The following SLC13A3 variants were observed in gnomAD, a reference collection of about 807,000 sequenced individuals.
SLC13A3 encodes the protein Na(+)/dicarboxylate cotransporter 3.
Under a neutral mutation model 59.0 loss-of-function variants are expected in SLC13A3, and 40 were observed. The observed-to-expected ratio is 0.68, with a 90% confidence interval of 0.53 to 0.88. The LOEUF is 0.88. SLC13A3 is among the 40% of genes least tolerant of loss of function. The pLI is 0.00. For synonymous variants in SLC13A3, 317 were observed against 330.3 expected (o/e 0.96, Z 0.44); for missense variants, 699 against 783.2 (o/e 0.89, Z 1.28).
At position 46,597,719 on chromosome 20, in the gene SLC13A3, A is replaced by G. The variant is rs111863183; in HGVS notation, c.609-1377T>C. Among the ~76,000 whole-genome samples, 197 of 152,328 alleles carry G rather than the reference A, an allele frequency of 1.3e-3. 2 individuals carry two copies. The highest frequency in any genetic ancestry group is 5.4e-3 in the East Asian group (28 of 5,188). On this transcript the variant is annotated intron_variant, in intron 4 of 12. Coordinates refer to ENST00000279027, the MANE Select transcript of SLC13A3 (RefSeq NM_022829.6). ...CCCAAAGTACTGGGATTACAGGCATAAGCCACCGCGGTAAAAATGCATCTA... is the reference window on the plus strand; with the variant it reads ...CCCAAAGTACTGGGATTACAGGCATGAGCCACCGCGGTAAAAATGCATCTA...
chr20:46,672,761 G>A (rs1010354637), upstream of SLC13A3, among the ~76,000 whole-genome samples: 3 of 152,106 alleles, frequency 2.0e-5, no homozygotes, highest in Non-Finnish European at 4.4e-5. Context: ...ACTGCCCTGA[G>A]GCTGTCATGC....
At position 46,561,359 on chromosome 20, in the gene SLC13A3, C is replaced by T. The variant is rs549266388; in HGVS notation, c.1633-1161G>A. ...CTGAAGCTGTGTCACAGGCGTATGT[C>T]CTTAACTTAGGCAAAATAAACTTCC... is the stretch of plus-strand genomic sequence containing the variant. On this transcript the variant is annotated intron_variant, in intron 12 of 12. Coordinates refer to ENST00000279027, the MANE Select transcript of SLC13A3 (RefSeq NM_022829.6). Among the ~76,000 whole-genome samples the T allele has an allele frequency of 1.3e-4, 20 of 152,280 alleles. No homozygotes were observed. The East Asian group carries it at 3.9e-3, about 30-fold the overall frequency.
At chr20:46,600,614 A>C (rs1568930372) in intron 3 of SLC13A3, 1 of 466,360 alleles carries the variant, frequency 2.1e-6, no homozygotes, top group Non-Finnish European at 4.5e-6. Context: ...AAAGTTGTGA[A>C]AGGCCAGCTA....
At chr20:46,676,224 A>G (rs1043504211) in intron 1 of SLC13A3, 2 of 152,006 alleles carry the variant, frequency 1.3e-5, no homozygotes, top group Non-Finnish European at 2.9e-5. Flanking sequence ...TTTTTATTGA[A>G]GTACCACATA....
Position 46,610,435 on chromosome 20 carries a change from C to A in SLC13A3, c.541+11G>T. 5 of 1,606,362 alleles carry A rather than the reference C, an allele frequency of 3.1e-6. No individual in the cohort carries two copies. Among genetic ancestry groups the A allele is most frequent in the Non-Finnish European group, 3.4e-6 (4 of 1,176,548 alleles). On this transcript the variant is annotated intron_variant, in intron 3 of 12. Transcript: ENST00000279027. ...GGTGGATTTGGCCCCAATCCCTTAGCACAGCCTCACCTGTGTTCTCTTCAC... is the reference window on the plus strand; with the variant it reads ...GGTGGATTTGGCCCCAATCCCTTAGAACAGCCTCACCTGTGTTCTCTTCAC...
chr20:46,650,408 G>T, intron 1 of SLC13A3, among the ~76,000 whole-genome samples: 1 of 152,036 alleles, frequency 6.6e-6, no homozygotes, highest in East Asian at 1.9e-4. Flanking sequence ...TCTGAGACGC[G>T]TTGAAATGAT....
Position 46,566,231 on chromosome 20 carries a change from G to T in SLC13A3, c.1492C>A (p.Leu498Met). 5.6e-6 allele frequency: 9 copies of T among 1,613,286 alleles called. No homozygotes were observed. Among genetic ancestry groups the T allele is most frequent in the Non-Finnish European group, 7.6e-6 (9 of 1,179,364 alleles). Residue 498 changes from leucine (L) to methionine (M), a missense_variant and splice_region_variant, in exon 11 of 13, where the codon CTG (leucine) becomes ATG (methionine). Physicochemically the swap from Leu to Met is conservative, Grantham distance 15. Coordinates refer to ENST00000279027, the MANE Select transcript of SLC13A3 (RefSeq NM_022829.6). The part of the protein sequence containing the change: ...IIIFLPVLAE[L>M]AIRLRVHPLY... ...CTCTTCCCCAGAAGGACCCTCACCAGCTCTGCCAGGACCGGCAGGAAGATG... is the reference window on the plus strand; with the variant it reads ...CTCTTCCCCAGAAGGACCCTCACCATCTCTGCCAGGACCGGCAGGAAGATG...
At chr20:46,601,623 T>C (rs2062381207) in intron 3 of SLC13A3, among the ~76,000 whole-genome samples, 2 of 152,168 alleles carry the variant, frequency 1.3e-5, no homozygotes, top group Non-Finnish European at 2.9e-5. Context: ...ATGCATGCCA[T>C]GCAAAAGAAC....
At chr20:46,600,071 T>A (rs375754944) in intron 3 of SLC13A3, 34 bp from the exon 4 acceptor site, 1 of 1,523,582 alleles carries the variant, frequency 6.6e-7, no homozygotes, top group Non-Finnish European at 8.9e-7. Context: ...TTTAATGTAA[T>A]GTAGCGAATG....
At chr20:46,583,146 G>C in intron 9 of SLC13A3, 1 of 861,440 alleles carries the variant, frequency 1.2e-6, no homozygotes, top group Non-Finnish European at 1.4e-6. Context: ...GCAAAATTGA[G>C]GCTATTGTGT....
At chr20:46,672,659 G>A (rs73908954), upstream of SLC13A3, among the ~76,000 whole-genome samples, 8,218 of 152,220 alleles carry the variant, frequency 0.054, 769 homozygotes, top group African/African-American at 0.19. Context: ...ACAGCTTACC[G>A]TGGAAGTGAC....
At chr20:46,613,772 G>A in intron 1 of SLC13A3, 47 bp from the exon 2 acceptor site, 1 of 1,520,190 alleles carries the variant, frequency 6.6e-7, no homozygotes, top group Non-Finnish European at 8.9e-7. Context: ...GCTCGGGGCA[G>A]AAGGGGAAGG....
At chr20:46,680,617 G>A (rs2063149564) in intron 1 of SLC13A3, among the ~76,000 whole-genome samples, 1 of 152,232 alleles carries the variant, frequency 6.6e-6, no homozygotes, top group Non-Finnish European at 1.5e-5. Flanking sequence ...ACTGCATAAT[G>A]TGAGACTGCA....
chr20:46,640,213 C>T (rs2062833966), intron 1 of SLC13A3, among the ~76,000 whole-genome samples: 1 of 152,180 alleles, frequency 6.6e-6, no homozygotes, highest in African/African-American at 2.4e-5. Flanking sequence ...TCACTTCCTA[C>T]AGCCTCCCAG....
chr20:46,596,389 G>C, intron 4 of SLC13A3, 47 bp from the exon 5 acceptor site: 1 of 1,559,934 alleles, frequency 6.4e-7, no homozygotes, highest in Non-Finnish European at 8.8e-7. Flanking sequence ...ATGGAGAACA[G>C]GCCACAGACT....
chr20:46,558,602 A>G lies in SLC13A3; in HGVS notation c.*1420T>C, dbSNP rs8149. On this transcript the variant is annotated 3_prime_UTR_variant, in exon 13 of 13. Coordinates refer to ENST00000279027, the MANE Select transcript of SLC13A3 (RefSeq NM_022829.6). ...AACTGTGATTCAACACTGAGTGCTC[A>G]CTTGGAAAGGAGGTGGAGCTCAACT... 115,588 of 152,126 alleles carry G rather than the reference A, an allele frequency of 0.76. 44,368 individuals are homozygous for G. The highest frequency in any genetic ancestry group is 0.95 in the East Asian group (4,887 of 5,154). 9.4% of individuals were successfully genotyped at this position (152,126 alleles called of 1,614,324 possible). A position where few individuals can be genotyped will look rare whatever the true frequency, so the allele number is the denominator to read the frequency against.
intron 2 of SLC13A3, 136 bp from the exon 3 acceptor site, chr20:46,610,745 A>C: frequency 4.4e-6 from 3 of 686,192 alleles, no homozygotes; most frequent in East Asian, 2.8e-5. Flanking sequence ...CAGAAACCAA[A>C]TCCACTCACC....
At chr20:46,630,539 A>G (rs1300239220) in intron 1 of SLC13A3, among the ~76,000 whole-genome samples, 1 of 152,202 alleles carries the variant, frequency 6.6e-6, no homozygotes. Flanking sequence ...GCTCTTCTTC[A>G]TATGCTGGCG....
intron 1 of SLC13A3, among the ~76,000 whole-genome samples, chr20:46,615,055 AGT>A (rs1391542252): frequency 6.6e-6 from 1 of 152,194 alleles, no homozygotes; most frequent in African/African-American, 2.4e-5. Context: ...TCATAATGAG[AGT>A]GATAATGACA....
Sources: gnomAD v4.1 joint callset for allele counts (sites outside exome capture counted in the v4.1 genomes callset) on GRCh38, gnomAD v4.1.1 for gene constraint, MANE v1.5 for transcripts, NCBI Gene and HGNC (gene_info 2026-07-23, HGNC 2026-07-21) for gene names.